The following GOLM2 variants were observed in gnomAD, a reference collection of about 807,000 sequenced individuals.
The protein encoded by GOLM2 is golgi membrane protein 2.
GOLM2 carries 26 observed loss-of-function variants against 55.9 expected under a neutral mutation model. That is an observed-to-expected ratio of 0.47 (90% confidence interval 0.34 to 0.65). The LOEUF is 0.65. Ranked by LOEUF, GOLM2 falls within the 30% of genes least tolerant of loss-of-function variation. The pLI is 0.01. For missense variants in GOLM2, 486 were observed against 531.8 expected, an observed-to-expected ratio of 0.91 and a Z score of 0.85; for synonymous variants, 165 against 194.6, an observed-to-expected ratio of 0.85 and a Z score of 1.27.
intron 4 of GOLM2, 101 bp downstream of exon 4, chr15:44,332,179 G>T (rs1259430105): frequency 1.5e-6 from 1 of 647,504 alleles, no homozygotes; most frequent in Admixed American, 3.3e-5. Context: ...TATATTTTAA[G>T]TTTTCCAGCC....
intron 1 of GOLM2, among the ~76,000 whole-genome samples, chr15:44,305,177 T>C (rs543145305): frequency 5.3e-5 from 8 of 152,254 alleles, no homozygotes; most frequent in African/African-American, 1.7e-4. Flanking sequence ...ATTTTGTATT[T>C]TTTGTAGAGG....
At chr15:44,412,065 T>C (rs1017899207) in intron 9 of GOLM2, among the ~76,000 whole-genome samples, 1 of 151,442 alleles carries the variant, frequency 6.6e-6, no homozygotes, top group African/African-American at 2.4e-5. Context: ...ACCTGGGAGG[T>C]TGAGGTGGGA....
At chr15:44,330,646 G>T (rs1326477675) in intron 3 of GOLM2, among the ~76,000 whole-genome samples, 2 of 152,186 alleles carry the variant, frequency 1.3e-5, no homozygotes, top group South Asian at 2.1e-4. Context: ...TGGGAGGATT[G>T]CTTGAGCCCA....
chr15:44,309,957 C>T (rs796083828), intron 1 of GOLM2, among the ~76,000 whole-genome samples: 5 of 152,012 alleles, frequency 3.3e-5, no homozygotes, highest in African/African-American at 1.2e-4. Context: ...GATCTTGGCT[C>T]ACTGCAACCT....
rs1448930455 is a variant in GOLM2 at position 44,319,212 on chromosome 15, G to A, written c.328-3753G>A. ...GTGTTTGTCTGTTGTGTTATCCTCA[G>A]TTTCCATTTTTCTTTTTTTGAGATG... On this transcript the variant is annotated intron_variant, in intron 1 of 9. Coordinates refer to ENST00000299957, the MANE Select transcript of GOLM2 (RefSeq NM_138423.4). Among the ~76,000 whole-genome samples, 3 of 151,974 alleles carry A rather than the reference G, an allele frequency of 2.0e-5. No individual in the cohort carries two copies. In the East Asian group the frequency reaches 5.8e-4, roughly 29 times the overall value.
chr15:44,364,281 T>A (rs1405164452), intron 6 of GOLM2, among the ~76,000 whole-genome samples: 1 of 152,118 alleles, frequency 6.6e-6, no homozygotes, highest in African/African-American at 2.4e-5. Flanking sequence ...CTCAGCACTT[T>A]GGGAGGCTGA....
At chr15:44,382,811 T>C (rs1469602615) in intron 8 of GOLM2, among the ~76,000 whole-genome samples, 2 of 151,290 alleles carry the variant, frequency 1.3e-5, no homozygotes, top group Non-Finnish European at 2.9e-5. Flanking sequence ...TAGTCCCAGC[T>C]ACTTGAGAGG....
At chr15:44,326,410 T>C (rs2078981176) in intron 2 of GOLM2, among the ~76,000 whole-genome samples, 1 of 152,022 alleles carries the variant, frequency 6.6e-6, no homozygotes, top group Non-Finnish European at 1.5e-5. Context: ...AAGCATTATG[T>C]GTCTCAGCAG....
intron 8 of GOLM2, among the ~76,000 whole-genome samples, chr15:44,385,826 T>G (rs1273770723): frequency 2.0e-5 from 3 of 152,174 alleles, no homozygotes; most frequent in Non-Finnish European, 4.4e-5. Flanking sequence ...CCAAAAGCAC[T>G]GGGATTATAG....
chr15:44,331,749 T>C (rs1223079413), intron 3 of GOLM2, among the ~76,000 whole-genome samples: 4 of 152,210 alleles, frequency 2.6e-5, no homozygotes, highest in African/African-American at 9.6e-5. Flanking sequence ...AAAAGAATTG[T>C]TTTTATCTTT....
intron 3 of GOLM2, among the ~76,000 whole-genome samples, chr15:44,331,759 T>C (rs1402036381): frequency 1.3e-5 from 2 of 152,206 alleles, no homozygotes; most frequent in African/African-American, 4.8e-5. Context: ...TTTTTATCTT[T>C]GTAATTTCTG....
chr15:44,379,690 C>A lies in GOLM2; in HGVS notation c.803C>A (p.Ala268Asp). ...TATGGATTTATTTTTTTTCTTCTAG[C>A]TTTAAGGAAGCCTCCTATTTCAGTT... Reference protein sequence around the residue: ...DLAKVDDLPPALRKPPISVSQ... With the variant: ...DLAKVDDLPPDLRKPPISVSQ... Residue 268 changes from alanine to aspartate, a missense_variant and splice_region_variant, in exon 7 of 10, where the codon GCT (alanine) becomes GAT (aspartate). By Grantham distance (126) the Ala-to-Asp change is moderately radical. Transcript: ENST00000299957. 7.3e-7 allele frequency: 1 copy of A among 1,365,686 alleles called. No individual in the cohort carries two copies. The highest frequency in any genetic ancestry group is 3.2e-5 in the East Asian group (1 of 31,294). 84.6% of individuals were successfully genotyped at this position (1,365,686 alleles called of 1,614,324 possible).
intron 6 of GOLM2, among the ~76,000 whole-genome samples, chr15:44,343,179 A>C (rs1314297885): frequency 1.3e-5 from 2 of 151,820 alleles, no homozygotes; most frequent in Non-Finnish European, 2.9e-5. Context: ...CTAAAAATAC[A>C]AAAATTAGCT....
At chr15:44,330,005 G>T (rs1415392307) in intron 3 of GOLM2, among the ~76,000 whole-genome samples, 1 of 150,044 alleles carries the variant, frequency 6.7e-6, no homozygotes, top group African/African-American at 2.4e-5. Context: ...CTGCCTCCCG[G>T]GTTCACACCA....
chr15:44,314,618 A>G (rs1040836114), intron 1 of GOLM2, among the ~76,000 whole-genome samples: 1 of 152,158 alleles, frequency 6.6e-6, no homozygotes, highest in African/African-American at 2.4e-5. Context: ...AACTTGGTTT[A>G]AGAAGACAGT....
chr15:44,310,462 ATATATATG>A (rs1198818086), intron 1 of GOLM2, among the ~76,000 whole-genome samples: 2 of 136,402 alleles, frequency 1.5e-5, no homozygotes, highest in African/African-American at 5.9e-5. Context: ...CTCTATATAT[ATATATATG>A]TATATATATA....
Position 44,323,020 on chromosome 15 carries a change from G to A in GOLM2, c.382+1G>A, listed in dbSNP as rs1269116228. The A allele has an allele frequency of 1.9e-6, 3 of 1,563,252 alleles. No homozygotes were observed. The highest frequency in any genetic ancestry group is 1.4e-5 in the African/African-American group (1 of 72,434). ...ATGGCAGACATACATCATTTAAAGG[G>A]TAAGAACCTTAATTCCAGATTAAAG... On this transcript the variant is annotated splice_donor_variant, in intron 2 of 9. Coordinates refer to ENST00000299957, the MANE Select transcript of GOLM2 (RefSeq NM_138423.4). LOFTEE classifies it high-confidence loss of function.
intron 6 of GOLM2, among the ~76,000 whole-genome samples, chr15:44,371,659 T>G (rs2079330253): frequency 6.6e-6 from 1 of 152,094 alleles, no homozygotes; most frequent in African/African-American, 2.4e-5. Flanking sequence ...TTTCTAGGAG[T>G]TTTTATGGTC....
chr15:44,374,474 C>T (rs2079351100), intron 6 of GOLM2, among the ~76,000 whole-genome samples: 1 of 151,726 alleles, frequency 6.6e-6, no homozygotes, highest in Admixed American at 6.6e-5. Flanking sequence ...TATAGTGAGA[C>T]CCCATCTTTG....
Sources: gnomAD v4.1 joint callset for allele counts (sites outside exome capture counted in the v4.1 genomes callset) on GRCh38, gnomAD v4.1.1 for gene constraint, MANE v1.5 for transcripts, NCBI Gene and HGNC (gene_info 2026-07-23, HGNC 2026-07-21) for gene names.